The following CSF1R variants were observed in gnomAD, a reference collection of about 807,000 sequenced individuals.
The protein encoded by CSF1R is colony stimulating factor 1 receptor.
In CSF1R, 40 loss-of-function variants were observed where a neutral mutation model predicts 110.0. The observed-to-expected ratio is 0.36, with a 90% CI of 0.28 to 0.47. The LOEUF (loss-of-function observed/expected upper bound fraction) is 0.47. Among genes scored for constraint, CSF1R ranks in the 20% least tolerant of loss-of-function variants. The pLI is 0.99. For missense variants in CSF1R, 1,052 were observed against 1,253.0 expected (o/e 0.84, Z 2.42); for synonymous variants, 523 against 503.4 (o/e 1.04, Z -0.52).
At chr5:150,060,764 G>A in intron 13 of CSF1R, 98 bp downstream of exon 13, 2 of 724,108 alleles carry the variant, frequency 2.8e-6, no homozygotes, top group South Asian at 1.9e-5. Context: ...TGGAGCAGTA[G>A]GATCCTGAGA....
intron 6 of CSF1R, among the ~76,000 whole-genome samples, 168 bp from the exon 7 acceptor site, chr5:150,070,739 T>A (rs1235083269): frequency 1.3e-5 from 2 of 152,220 alleles, no homozygotes; most frequent in South Asian, 2.1e-4. Flanking sequence ...CATTGAGACA[T>A]GCAAAAACCA....
Position 150,078,151 on chromosome 5 carries a change from A to C in CSF1R, c.690T>G (p.Asp230Glu), listed in dbSNP as rs1201428534. The change falls in exon 4 of 21, where the codon GAT (aspartate) becomes GAG (glutamate). Residue 230 changes from aspartate (D) to glutamate (E), a missense_variant. Transcript: ENST00000675795. ...GTTGGAGGAAGACATCAAAGTTAAC[A>C]TCAACGCTGCTGGCTGAGCACACGA... Reference protein sequence around the residue: ...AQIVCSASSVDVNFDVFLQHN... With the variant: ...AQIVCSASSVEVNFDVFLQHN... 1.2e-6 allele frequency: 2 copies of C among 1,614,090 alleles called. No homozygotes were observed. The highest frequency in any genetic ancestry group is 2.2e-5 in the East Asian group (1 of 44,870).
rs753379219 is a variant in CSF1R at position 150,073,346 on chromosome 5, T to G, written c.1037A>C (p.Gln346Pro). 1 of 1,614,028 alleles carries G rather than the reference T, an allele frequency of 6.2e-7. No individual in the cohort carries two copies. The highest frequency in any genetic ancestry group is 1.1e-5 in the South Asian group (1 of 91,080). ...AGCATTAGCAAGCTTGGGCTCAGGC[T>G]GGTGGTCAGAAAAGGGTCCCAGGTA... ...WTYLGPFSDH[Q>P]PEPKLANATT... Residue 346 changes from glutamine (Q) to proline (P), a missense_variant, in exon 6 of 21, where the codon CAG becomes CCG. Gln to Pro is a moderately conservative substitution (Grantham distance 76). Transcript: ENST00000675795.
chr5:150,106,279 G>A (rs1759554404), intron 1 of CSF1R, among the ~76,000 whole-genome samples: 1 of 152,182 alleles, frequency 6.6e-6, no homozygotes, highest in South Asian at 2.1e-4. Flanking sequence ...GACAGCCCAA[G>A]GATTAGGAAA....
chr5:150,100,083 C>G (rs927657360), intron 1 of CSF1R, among the ~76,000 whole-genome samples: 2 of 152,014 alleles, frequency 1.3e-5, no homozygotes, highest in Admixed American at 1.3e-4. Flanking sequence ...CACTGTGGGA[C>G]GCACCCGTGC....
At chr5:150,082,057 G>A (rs961764770) in intron 1 of CSF1R, among the ~76,000 whole-genome samples, 2 of 152,312 alleles carry the variant, frequency 1.3e-5, no homozygotes, top group Admixed American at 6.5e-5. Flanking sequence ...CTACAGGGAT[G>A]TTCTCACTTC....
intron 16 of CSF1R, among the ~76,000 whole-genome samples, chr5:150,057,004 A>G (rs1024292005): frequency 7.9e-5 from 12 of 152,200 alleles, no homozygotes; most frequent in Admixed American, 7.2e-4. Flanking sequence ...AGCAGAGACA[A>G]CTGTTGTCTC....
chr5:150,081,039 G>A lies in CSF1R; in HGVS notation c.50-15C>T. 1 of 1,613,480 alleles carries A rather than the reference G, an allele frequency of 6.2e-7. No individual in the cohort carries two copies. Among genetic ancestry groups the A allele is most frequent in the South Asian group, 1.1e-5 (1 of 91,036 alleles). On this transcript the variant is annotated splice_polypyrimidine_tract_variant and intron_variant, in intron 1 of 20. Coordinates refer to ENST00000675795, the MANE Select transcript of CSF1R (RefSeq NM_001288705.3). ...GATTCCCTGACCTGGTGGGAGAGAG[G>A]GACAGCAGACAGAAGTGAGGTCTAG...
At chr5:150,076,068 G>A (rs1250969007) in intron 5 of CSF1R, among the ~76,000 whole-genome samples, 2 of 152,200 alleles carry the variant, frequency 1.3e-5, no homozygotes, top group Non-Finnish European at 2.9e-5. Flanking sequence ...TTGCTTCAGG[G>A]TCTGAGTCCA....
At chr5:150,111,280 G>A (rs972864507) in intron 1 of CSF1R, among the ~76,000 whole-genome samples, 7 of 152,162 alleles carry the variant, frequency 4.6e-5, no homozygotes, top group African/African-American at 1.4e-4. Flanking sequence ...CCGGCCGTGA[G>A]TGGGGTGGCG....
At chr5:150,084,655 T>C (rs144045459) in intron 1 of CSF1R, among the ~76,000 whole-genome samples, 3,556 of 151,776 alleles carry the variant, frequency 0.023, 50 homozygotes, top group South Asian at 0.057. Context: ...GGCTTCACCA[T>C]ATTGGCGAGG....
chr5:150,087,163 C>A (rs1316395008), upstream of CSF1R, among the ~76,000 whole-genome samples: 4 of 152,172 alleles, frequency 2.6e-5, no homozygotes, highest in Non-Finnish European at 4.4e-5. Context: ...GTGTCTGCTG[C>A]AGAATCTGAA....
At chr5:150,093,617 A>C (rs1759116595) in intron 1 of CSF1R, among the ~76,000 whole-genome samples, 1 of 152,238 alleles carries the variant, frequency 6.6e-6, no homozygotes, top group Admixed American at 6.5e-5. Context: ...ATGAATAGAA[A>C]ACATCTAACA....
chr5:150,092,230 C>T (rs1253698437), intron 1 of CSF1R, among the ~76,000 whole-genome samples: 1 of 152,222 alleles, frequency 6.6e-6, no homozygotes, highest in African/African-American at 2.4e-5. Context: ...ATTTGGTCCA[C>T]AGGCTATAGT....
chr5:150,081,250 G>A (rs1472239421), intron 1 of CSF1R, among the ~76,000 whole-genome samples: 1 of 152,066 alleles, frequency 6.6e-6, no homozygotes, highest in Non-Finnish European at 1.5e-5. Flanking sequence ...TCTGAGAAAG[G>A]GGGCTTGCAG....
Position 150,080,769 on chromosome 5 carries a change from T to G in CSF1R, c.305A>C (p.Lys102Thr), listed in dbSNP as rs746809994. 6.2e-7 allele frequency: 1 copy of G among 1,614,066 alleles called. No homozygotes were observed. ...GGGAGGAGGCTCAGACTCCTCACCT[T>G]TGACATAGAGGTGGATGGCGGCGCT... ...GGSAAIHLYV[K>T]DPARPWNVLA... Residue 102 changes from lysine to threonine, a missense_variant and splice_region_variant, in exon 2 of 21, where the codon AAA (lysine) becomes ACA (threonine). Lys to Thr is a moderately conservative substitution (Grantham distance 78). This residue lies in a region of CSF1R where 693 missense variants were observed against 735.4 expected (regional missense o/e 0.94). Coordinates refer to ENST00000675795, the MANE Select transcript of CSF1R (RefSeq NM_001288705.3).
intron 15 of CSF1R, 32 bp from the exon 16 acceptor site, chr5:150,057,416 G>C: frequency 1.2e-6 from 2 of 1,611,066 alleles, no homozygotes; most frequent in Non-Finnish European, 1.7e-6. Flanking sequence ...GGGCAGCCCT[G>C]CCACACTCCC....
At chr5:150,077,719 CCCT>C (rs1758333064) in intron 4 of CSF1R, among the ~76,000 whole-genome samples, 1 of 152,064 alleles carries the variant, frequency 6.6e-6, no homozygotes. Context: ...CTGGAATCCT[CCCT>C]CCTCCTCCCT....
chr5:150,083,349 AACACACAC>A (rs59055324), intron 1 of CSF1R, among the ~76,000 whole-genome samples: 4,250 of 106,314 alleles, frequency 0.04, 116 homozygotes, highest in African/African-American at 0.085. Flanking sequence ...CTTCTCTCCC[AACACACAC>A]ACACACACAC....
Sources: gnomAD v4.1 joint callset for allele counts (sites outside exome capture counted in the v4.1 genomes callset) on GRCh38, gnomAD v4.1.1 for gene constraint, gnomAD v4.1.1 regional missense constraint, MANE v1.5 for transcripts, NCBI Gene and HGNC (gene_info 2026-07-23, HGNC 2026-07-21) for gene names.